PCLO: variants seen among roughly 807,000 people sequenced by gnomAD.
PCLO encodes protein piccolo.
A neutral mutation model predicts 427.5 loss-of-function variants in PCLO; 82 were observed. The observed-to-expected ratio is 0.19, with a 90% CI of 0.16 to 0.23. The LOEUF (loss-of-function observed/expected upper bound fraction) is 0.23. PCLO is among the 10% of genes least tolerant of loss of function. The probability of loss-of-function intolerance (pLI) is 1.00; values close to 1 mark genes in which losing one functional copy is unlikely to be tolerated. For synonymous variants in PCLO, 2,357 were observed against 2,155.4 expected (o/e 1.09, Z -2.59); for missense variants, 6,239 against 6,115.9 (o/e 1.02, Z -0.67).
At chr7:83,026,374 G>T (rs1788497794) in intron 3 of PCLO, among the ~76,000 whole-genome samples, 1 of 151,978 alleles carries the variant, frequency 6.6e-6, no homozygotes, top group South Asian at 2.1e-4. Flanking sequence ...TTACATAATG[G>T]TAAAGGGATC....
intron 10 of PCLO, among the ~76,000 whole-genome samples, chr7:82,854,999 G>A (rs1792765110): frequency 6.6e-6 from 1 of 152,044 alleles, no homozygotes; most frequent in African/African-American, 2.4e-5. Context: ...GAGCTGACTG[G>A]TATTTCTTTT....
chr7:83,103,609 T>C (rs572067934), intron 3 of PCLO, among the ~76,000 whole-genome samples: 4 of 151,982 alleles, frequency 2.6e-5, no homozygotes, highest in Non-Finnish European at 5.9e-5. Flanking sequence ...AAAAGTCAAT[T>C]TCTAACTTTG....
In PCLO at chr7:82,954,629, T is replaced by C. The variant is rs964506124; in HGVS notation, c.6324A>G (p.Ser2108=). 3 of 1,613,942 alleles carry C rather than the reference T, an allele frequency of 1.9e-6. No homozygotes were observed. The highest frequency in any genetic ancestry group is 2.5e-6 in the Non-Finnish European group (3 of 1,179,856). ...TAAGAGACGCTCCTGAGAGAACACT[T>C]GATGTCAAAGAGGCATCTGGCATTC... is the stretch of plus-strand genomic sequence containing the variant. ...FDRMPDASLT[S]SVLSGASLTD... Residue 2108 remains serine, a synonymous_variant, in exon 5 of 25, where the codon TCA becomes TCG. Coordinates refer to ENST00000333891, the MANE Select transcript of PCLO (RefSeq NM_033026.6).
In PCLO at chr7:82,847,161, C is replaced by T. The variant is rs868637178; in HGVS notation, c.13741G>A (p.Glu4581Lys). ...CACAGTCTTACACATATTTCTGCTTCCCCACTTTGCTGACTAATGATACTC... is the reference window on the plus strand; with the variant it reads ...CACAGTCTTACACATATTTCTGCTTTCCCACTTTGCTGACTAATGATACTC... ...VQSIISQQSG[E>K]AEICVRLDLN... The change falls in exon 11 of 25, where the codon GAA becomes AAA. Residue 4581 changes from glutamate to lysine, a missense_variant. Coordinates refer to ENST00000333891, the MANE Select transcript of PCLO (RefSeq NM_033026.6). 1.3e-6 allele frequency: 2 copies of T among 1,594,486 alleles called. No homozygotes were observed. The highest frequency in any genetic ancestry group is 1.7e-6 in the Non-Finnish European group (2 of 1,164,914).
intron 2 of PCLO, among the ~76,000 whole-genome samples, chr7:83,145,861 A>G (rs1389487287): frequency 6.6e-6 from 1 of 152,218 alleles, no homozygotes; most frequent in African/African-American, 2.4e-5. Flanking sequence ...TAAGTAGCTG[A>G]TCTAGGTAGG....
chr7:82,861,669 C>T (rs12707528), intron 10 of PCLO, among the ~76,000 whole-genome samples: 12 of 151,834 alleles, frequency 7.9e-5, no homozygotes, highest in African/African-American at 2.7e-4. Flanking sequence ...CCAAGAGCTG[C>T]GGAATACACA....
intron 3 of PCLO, among the ~76,000 whole-genome samples, chr7:83,125,098 TC>T (rs547998908): frequency 0.05 from 7,661 of 152,152 alleles, 278 homozygotes; most frequent in South Asian, 0.093. Flanking sequence ...TGATCTCGGC[TC>T]GCTACAACCT....
intron 3 of PCLO, among the ~76,000 whole-genome samples, chr7:82,998,857 G>A (rs1042144956): frequency 2.0e-5 from 3 of 151,610 alleles, no homozygotes; most frequent in Admixed American, 6.6e-5. Context: ...AACCAGGCAT[G>A]GCAGAATGTT....
At position 82,827,904 on chromosome 7, in the gene PCLO, G is replaced by C. The variant is rs759513623; in HGVS notation, c.14312C>G (p.Thr4771Arg). The C allele has an allele frequency of 1.3e-5, 21 of 1,597,580 alleles. No individual in the cohort carries two copies. The highest frequency in any genetic ancestry group is 1.7e-5 in the Non-Finnish European group (20 of 1,166,450). Residue 4771 changes from threonine to arginine, a missense_variant, in exon 17 of 25, where the codon ACA becomes AGA. Thr to Arg is a moderately conservative substitution (Grantham distance 71). Around this residue, in one of 5 missense-constraint regions of PCLO, gnomAD observed 877 missense variants for 925.5 expected, o/e 0.95. Coordinates refer to ENST00000333891, the MANE Select transcript of PCLO (RefSeq NM_033026.6). ...QKSLNPEWNQ[T>R]VIYKSISMEQ... ...CATGGAAATACTTTTATAAATTACTGTTTGATTCCACTCAGGATTAAGACT... is the reference window on the plus strand; with the variant it reads ...CATGGAAATACTTTTATAAATTACTCTTTGATTCCACTCAGGATTAAGACT...
intron 3 of PCLO, among the ~76,000 whole-genome samples, chr7:83,005,362 G>GA (rs1232947432): frequency 2.0e-5 from 3 of 151,566 alleles, no homozygotes; most frequent in Non-Finnish European, 4.4e-5. Context: ...GGAATCTAAA[G>GA]AAGTCGAACT....
chr7:83,080,852 C>T (rs1235608663), intron 3 of PCLO, among the ~76,000 whole-genome samples: 1 of 151,740 alleles, frequency 6.6e-6, no homozygotes, highest in East Asian at 1.9e-4. Flanking sequence ...CTATCTTTTT[C>T]CCCATATATA....
chr7:83,021,564 G>A (rs1212945364), intron 3 of PCLO, among the ~76,000 whole-genome samples: 1 of 152,048 alleles, frequency 6.6e-6, no homozygotes, highest in Non-Finnish European at 1.5e-5. Flanking sequence ...TAAATCAATA[G>A]ACATTGTCTC....
At chr7:82,818,350 C>G (rs1791719151) in intron 20 of PCLO, among the ~76,000 whole-genome samples, 1 of 152,114 alleles carries the variant, frequency 6.6e-6, no homozygotes, top group Non-Finnish European at 1.5e-5. Context: ...ACAATTTTGT[C>G]ACTCTTGATA....
At chr7:82,879,787 G>C (rs760279955) in intron 9 of PCLO, 19 of 446,926 alleles carry the variant, frequency 4.3e-5, no homozygotes, top group Non-Finnish European at 7.4e-5. Flanking sequence ...TGTTCCCAGA[G>C]CATACAATTC....
intron 6 of PCLO, among the ~76,000 whole-genome samples, chr7:82,939,757 A>C (rs1451652831): frequency 6.7e-6 from 1 of 148,674 alleles, no homozygotes; most frequent in African/African-American, 2.4e-5. Flanking sequence ...TGTAAATATA[A>C]ATATATTTTT....
intron 6 of PCLO, 53 bp from the exon 7 acceptor site, chr7:82,916,926 C>T (rs1794482059): frequency 8.6e-7 from 1 of 1,164,170 alleles, no homozygotes; most frequent in Admixed American, 2.4e-5. Context: ...AAATAAAAAC[C>T]AAATCTACTT....
At chr7:83,121,520 T>C (rs1160707303) in intron 3 of PCLO, among the ~76,000 whole-genome samples, 1 of 152,094 alleles carries the variant, frequency 6.6e-6, no homozygotes, top group Non-Finnish European at 1.5e-5. Flanking sequence ...AGTAAATCCT[T>C]ATTTATAAAT....
At chr7:83,004,741 C>T (rs138502746) in intron 3 of PCLO, among the ~76,000 whole-genome samples, 1 of 151,500 alleles carries the variant, frequency 6.6e-6, no homozygotes, top group East Asian at 1.9e-4. Flanking sequence ...AGAAAACCTA[C>T]AGAATGAGAG....
At chr7:83,120,897 C>G (rs1247414256) in intron 3 of PCLO, among the ~76,000 whole-genome samples, 8 of 152,100 alleles carry the variant, frequency 5.3e-5, no homozygotes, top group Non-Finnish European at 8.8e-5. Flanking sequence ...TGTCTGAAGG[C>G]ACAAAACTTG....
Sources: gnomAD v4.1 joint callset for allele counts (sites outside exome capture counted in the v4.1 genomes callset) on GRCh38, gnomAD v4.1.1 for gene constraint, gnomAD v4.1.1 regional missense constraint, MANE v1.5 for transcripts, NCBI Gene and HGNC (gene_info 2026-07-23, HGNC 2026-07-21) for gene names.